The following FRMD7 variants were observed in gnomAD, a reference collection of about 807,000 sequenced individuals.
The protein encoded by FRMD7 is FERM domain-containing protein 7.
FRMD7 carries 14 observed loss-of-function variants against 44.1 expected under a neutral mutation model. The observed-to-expected ratio is 0.32, with a 90% CI of 0.21 to 0.50. The LOEUF is 0.50. Among genes scored for constraint, FRMD7 ranks in the 20% least tolerant of loss-of-function variants. The pLI is 0.99. For synonymous variants in FRMD7, 212 were observed against 187.4 expected, an observed-to-expected ratio of 1.13 and a Z score of -1.07; for missense variants, 501 against 522.3, an observed-to-expected ratio of 0.96 and a Z score of 0.40.
intron 1 of FRMD7, among the ~76,000 whole-genome samples, chrX:132,108,759 C>T (rs1928707222): frequency 9.0e-6 from 1 of 110,883 alleles, no homozygotes; most frequent in Non-Finnish European, 1.9e-5. Flanking sequence ...GGATCATGGG[C>T]GAGGTTTCCC....
intron 7 of FRMD7, among the ~76,000 whole-genome samples, chrX:132,085,281 T>C (rs1927946973): frequency 8.9e-6 from 1 of 111,844 alleles, no homozygotes; most frequent in Non-Finnish European, 1.9e-5. Context: ...CAACAGGTAA[T>C]CTATTCGCGT....
chrX:132,104,648 G>A lies in FRMD7; in HGVS notation c.58-3932C>T, dbSNP rs368393065. Among the ~76,000 whole-genome samples the A allele has an allele frequency of 3.8e-4, 42 of 111,447 alleles. No homozygotes were observed. The East Asian group carries it at 4.8e-3, about 13-fold the overall frequency. Reference sequence around the variant, plus strand: ...GCGGAGCTTGCAGTGAGCTGAAATCGTGCCACTGCACTCCAGCCTGGGCGA... The same window carrying A: ...GCGGAGCTTGCAGTGAGCTGAAATCATGCCACTGCACTCCAGCCTGGGCGA... On this transcript the variant is annotated intron_variant, in intron 1 of 11. Coordinates refer to ENST00000298542, the MANE Select transcript of FRMD7 (RefSeq NM_194277.3).
chrX:132,089,165 T>C (rs1928089765), intron 5 of FRMD7, among the ~76,000 whole-genome samples: 3 of 112,338 alleles, frequency 2.7e-5, no homozygotes, highest in Non-Finnish European at 5.6e-5. Flanking sequence ...CAATGGAACA[T>C]AAGTGAGAGT....
chrX:132,082,119 C>T (rs1480480242), intron 9 of FRMD7, among the ~76,000 whole-genome samples: 1 of 112,134 alleles, frequency 8.9e-6, no homozygotes, highest in Admixed American at 9.5e-5. Flanking sequence ...AAACTGCACA[C>T]ATCCGCCCAT....
chrX:132,099,840 C>T (rs1480545789), intron 2 of FRMD7, among the ~76,000 whole-genome samples: 1 of 111,856 alleles, frequency 8.9e-6, no homozygotes, highest in Admixed American at 9.5e-5. Context: ...TTTGGCTCCA[C>T]ATTTGAACCC....
rs1280511484 is a variant in FRMD7, at chrX:132,077,481, A to G, written c.*391T>C. 2 of 176,761 alleles carry G rather than the reference A, an allele frequency of 1.1e-5. No homozygotes were observed. Among genetic ancestry groups the G allele is most frequent in the East Asian group, 2.8e-4 (2 of 7,115 alleles). 14.6% of individuals were successfully genotyped at this position (176,761 alleles called of 1,213,427 possible). A position where few individuals can be genotyped will look rare whatever the true frequency, so the allele number is the denominator to read the frequency against. The stretch of plus-strand genomic sequence containing the variant: ...TGTTTAAGAGCACAAAGATCAACAC[A>G]GTCACAATCTACTAAATCACTAAAT... On this transcript the variant is annotated 3_prime_UTR_variant, in exon 12 of 12. Coordinates refer to ENST00000298542, the MANE Select transcript of FRMD7 (RefSeq NM_194277.3).
chrX:132,085,731 G>C lies in FRMD7; in HGVS notation c.498-3C>G. The C allele has an allele frequency of 8.3e-7, 1 of 1,206,229 alleles. No individual in the cohort carries two copies. The highest frequency in any genetic ancestry group is 1.1e-6 in the Non-Finnish European group (1 of 890,599). The stretch of plus-strand genomic sequence containing the variant: ...CAGATTCAGCTGGGCTCCTGCCACT[G>C]AAAGGGGAAAGAATTTATGAGCCTA... On this transcript the variant is annotated splice_polypyrimidine_tract_variant and splice_region_variant and intron_variant, in intron 6 of 11. Transcript: ENST00000298542.
In FRMD7 at chrX:132,125,059, A is replaced by C. The variant is rs777105982; in HGVS notation, c.57+2729T>G. On this transcript the variant is annotated intron_variant, in intron 1 of 11. Coordinates refer to ENST00000298542, the MANE Select transcript of FRMD7 (RefSeq NM_194277.3). Reference sequence around the variant, plus strand: ...CTCTTCTGACATCATTTGGCATATAAATGATGAGAGGACCCCAGTGTCCCC... The same window carrying C: ...CTCTTCTGACATCATTTGGCATATACATGATGAGAGGACCCCAGTGTCCCC... Among the ~76,000 whole-genome samples the C allele has an allele frequency of 1.3e-4, 14 of 111,712 alleles. No individual in the cohort carries two copies. The East Asian group carries it at 2.5e-3, about 20-fold the overall frequency.
At chrX:132,092,628 G>A (rs1602809139) in intron 5 of FRMD7, among the ~76,000 whole-genome samples, 1 of 111,788 alleles carries the variant, frequency 8.9e-6, no homozygotes, top group East Asian at 2.8e-4. Context: ...TGCCTGAAAC[G>A]GCCACTAGGG....
At position 132,109,770 on chromosome X, in the gene FRMD7, G is replaced by A. The variant is rs146982177; in HGVS notation, c.58-9054C>T. On this transcript the variant is annotated intron_variant, in intron 1 of 11. Transcript: ENST00000298542. ...CTAACAGATGGGACATCTAAGCTGA[G>A]GTGTGAAGCAAGAATTGGAGTTAGC... Among the ~76,000 whole-genome samples, 431 of 111,901 alleles carry A rather than the reference G, an allele frequency of 3.9e-3. 3 individuals are homozygous for A. Among genetic ancestry groups the A allele is most frequent in the African/African-American group, 0.013 (400 of 30,791 alleles).
intron 1 of FRMD7, among the ~76,000 whole-genome samples, chrX:132,108,522 T>C (rs1037687854): frequency 4.5e-5 from 5 of 111,674 alleles, no homozygotes; most frequent in African/African-American, 1.6e-4. Context: ...TGTTGACTAC[T>C]TCTAGGTGAC....
At chrX:132,086,169 T>C (rs1405609499) in intron 5 of FRMD7, 135 bp from the exon 6 acceptor site, 16 of 495,029 alleles carry the variant, frequency 3.2e-5, no homozygotes, top group Non-Finnish European at 5.4e-5. Context: ...AACCCCACGC[T>C]TTATGTATAT....
At position 132,124,388 on chromosome X, in the gene FRMD7, T is replaced by C. The variant is rs1414674521; in HGVS notation, c.57+3400A>G. On this transcript the variant is annotated intron_variant, in intron 1 of 11. Transcript: ENST00000298542. ...TCAGCCCTAAGAATAATGCTAATAT[T>C]TGACAATGATCAGTTTATGAAATAA... Among the ~76,000 whole-genome samples the C allele has an allele frequency of 6.3e-5, 7 of 111,772 alleles. No individual in the cohort carries two copies. In the Admixed American group the frequency reaches 6.6e-4, roughly 11 times the overall value.
intron 1 of FRMD7, among the ~76,000 whole-genome samples, chrX:132,108,743 G>T (rs1416248409): frequency 8.1e-5 from 9 of 111,221 alleles, no homozygotes; most frequent in Non-Finnish European, 1.7e-4. Context: ...CCAGATGAAG[G>T]TAATTGGATC....
chrX:132,127,004 A>G (rs761997224), intron 1 of FRMD7, among the ~76,000 whole-genome samples: 70 of 112,907 alleles, frequency 6.2e-4, no homozygotes, highest in Non-Finnish European at 9.0e-4. Context: ...TGAATTTCAG[A>G]GAAAATAAAC....
At chrX:132,108,119 C>T (rs888685174) in intron 1 of FRMD7, among the ~76,000 whole-genome samples, 2 of 111,822 alleles carry the variant, frequency 1.8e-5, no homozygotes, top group East Asian at 5.6e-4. Flanking sequence ...CCTCAGTTTC[C>T]TCAGTTGTAA....
intron 8 of FRMD7, among the ~76,000 whole-genome samples, chrX:132,082,896 GGGA>G (rs1366503555): frequency 8.9e-6 from 1 of 112,331 alleles, no homozygotes; most frequent in Non-Finnish European, 1.9e-5. Flanking sequence ...GGAAACAGGA[GGGA>G]GGAGAAGATT....
At chrX:132,107,383 T>G (rs1288271375) in intron 1 of FRMD7, among the ~76,000 whole-genome samples, 2 of 111,940 alleles carry the variant, frequency 1.8e-5, no homozygotes, top group Non-Finnish European at 3.8e-5. Flanking sequence ...CCTGACTTTA[T>G]GGTTATGCCT....
At chrX:132,091,640 A>G (rs1466039842) in intron 5 of FRMD7, among the ~76,000 whole-genome samples, 1 of 103,271 alleles carries the variant, frequency 9.7e-6, no homozygotes, top group Non-Finnish European at 2.0e-5. Context: ...CCTGGCCAAC[A>G]TGGTGAAACC....
Sources: allele counts gnomAD v4.1 joint callset (sites outside exome capture counted in the v4.1 genomes callset), GRCh38; gene constraint gnomAD v4.1.1; transcripts MANE v1.5; gene names NCBI Gene and HGNC (gene_info 2026-07-23, HGNC 2026-07-21).